The following RBMS3 variants were observed in gnomAD, a reference collection of about 807,000 sequenced individuals.
RBMS3 encodes the protein RNA binding motif single stranded interacting protein 3.
Under a neutral mutation model 66.8 loss-of-function variants are expected in RBMS3, and 27 were observed. The observed-to-expected ratio is 0.40, with a 90% confidence interval of 0.30 to 0.56. RBMS3 has a LOEUF of 0.56. Among genes scored for constraint, RBMS3 ranks in the 20% least tolerant of loss-of-function variants. The probability of loss-of-function intolerance (pLI) is 0.40; values close to 1 mark genes in which losing one functional copy is unlikely to be tolerated. For missense variants in RBMS3, 513 were observed against 549.5 expected, an observed-to-expected ratio of 0.93 and a Z score of 0.66; for synonymous variants, 188 against 183.0, an observed-to-expected ratio of 1.03 and a Z score of -0.22.
chr3:29,815,750 T>C (rs2057870495), intron 6 of RBMS3, among the ~76,000 whole-genome samples: 1 of 151,734 alleles, frequency 6.6e-6, no homozygotes, highest in Non-Finnish European at 1.5e-5. Context: ...TGCAAAGGCA[T>C]AAAAATGATA....
chr3:29,655,114 A>AT (rs1302881657), intron 4 of RBMS3, among the ~76,000 whole-genome samples: 2 of 152,028 alleles, frequency 1.3e-5, no homozygotes, highest in Non-Finnish European at 2.9e-5. Context: ...AAGAACATTT[A>AT]TTTTTTGCCT....
chr3:29,656,223 C>T (rs2050323100), intron 4 of RBMS3, among the ~76,000 whole-genome samples: 1 of 152,178 alleles, frequency 6.6e-6, no homozygotes, highest in South Asian at 2.1e-4. Context: ...TAGGCCCTCA[C>T]ATTCATTCAC....
chr3:29,302,041 ACT>A (rs2033709373), intron 1 of RBMS3, among the ~76,000 whole-genome samples: 1 of 151,862 alleles, frequency 6.6e-6, no homozygotes, highest in Non-Finnish European at 1.5e-5. Flanking sequence ...AGACAGTCTT[ACT>A]CTGTTGCCCA....
chr3:29,713,055 G>A (rs1201733589), intron 4 of RBMS3, among the ~76,000 whole-genome samples: 1 of 151,940 alleles, frequency 6.6e-6, no homozygotes, highest in Non-Finnish European at 1.5e-5. Flanking sequence ...TGTGATTTTG[G>A]TAATATTAAT....
chr3:29,673,846 C>T (rs980809076), intron 4 of RBMS3, among the ~76,000 whole-genome samples: 6 of 152,150 alleles, frequency 3.9e-5, no homozygotes, highest in African/African-American at 9.6e-5. Context: ...TGGTACCATT[C>T]GTTCTGAAAC....
intron 5 of RBMS3, among the ~76,000 whole-genome samples, chr3:29,741,975 A>G (rs988550647): frequency 6.6e-6 from 1 of 152,180 alleles, no homozygotes; most frequent in Admixed American, 6.5e-5. Flanking sequence ...AATTACAAAT[A>G]CAGTCACATT....
chr3:29,439,668 T>C (rs1304020380), intron 2 of RBMS3, among the ~76,000 whole-genome samples: 6 of 152,002 alleles, frequency 3.9e-5, no homozygotes, highest in Admixed American at 3.9e-4. Flanking sequence ...GCAGGTTAGT[T>C]ACACATGCAT....
At chr3:29,565,916 A>G (rs2046725413) in intron 3 of RBMS3, among the ~76,000 whole-genome samples, 1 of 152,176 alleles carries the variant, frequency 6.6e-6, no homozygotes, top group Non-Finnish European at 1.5e-5. Flanking sequence ...CAAATTTAAA[A>G]GATTCTATGA....
intron 1 of RBMS3, among the ~76,000 whole-genome samples, chr3:29,359,667 A>G (rs944352760): frequency 2.0e-5 from 3 of 152,136 alleles, no homozygotes; most frequent in African/African-American, 4.8e-5. Flanking sequence ...CTGTGAATCC[A>G]TCTGGTCCTG....
At chr3:29,764,647 A>G (rs909582027) in intron 6 of RBMS3, among the ~76,000 whole-genome samples, 2 of 152,056 alleles carry the variant, frequency 1.3e-5, no homozygotes, top group Non-Finnish European at 2.9e-5. Context: ...TTGGTATGTC[A>G]AAAAGACGTA....
chr3:29,510,651 G>A (rs995929857), intron 3 of RBMS3, among the ~76,000 whole-genome samples: 1 of 151,924 alleles, frequency 6.6e-6, no homozygotes, highest in Non-Finnish European at 1.5e-5. Flanking sequence ...GCTCCAATAA[G>A]CATTTTCTTG....
At chr3:29,834,139 A>G (rs752031408) in intron 6 of RBMS3, among the ~76,000 whole-genome samples, 1 of 152,118 alleles carries the variant, frequency 6.6e-6, no homozygotes, top group Non-Finnish European at 1.5e-5. Context: ...ACAAGAATAA[A>G]TAAATAAATA....
chr3:29,505,088 T>G (rs1328812078), intron 3 of RBMS3, among the ~76,000 whole-genome samples: 1 of 152,098 alleles, frequency 6.6e-6, no homozygotes, highest in Non-Finnish European at 1.5e-5. Context: ...ATTTTCACTT[T>G]TGTTTCCTGT....
chr3:29,731,740 G>C (rs1043546233), intron 4 of RBMS3, among the ~76,000 whole-genome samples: 3 of 152,104 alleles, frequency 2.0e-5, no homozygotes, highest in African/African-American at 7.2e-5. Flanking sequence ...TAGCAATATA[G>C]ATTTGACAAA....
chr3:29,950,967 C>T (rs1344812973), intron 12 of RBMS3, among the ~76,000 whole-genome samples: 2 of 151,842 alleles, frequency 1.3e-5, no homozygotes, highest in African/African-American at 4.8e-5. Context: ...TCTATTTTCC[C>T]TTAGCCTTGG....
intron 6 of RBMS3, among the ~76,000 whole-genome samples, chr3:29,782,967 C>G (rs1196797033): frequency 6.6e-6 from 1 of 151,920 alleles, no homozygotes; most frequent in African/African-American, 2.4e-5. Context: ...CGAATTAACC[C>G]AATCCATCAA....
chr3:29,645,534 T>G (rs1002010739), intron 4 of RBMS3, among the ~76,000 whole-genome samples: 1 of 152,200 alleles, frequency 6.6e-6, no homozygotes, highest in African/African-American at 2.4e-5. Flanking sequence ...ACTTCAAACT[T>G]TAGTTAAGTC....
intron 3 of RBMS3, among the ~76,000 whole-genome samples, chr3:29,522,154 C>T (rs553769097): frequency 6.6e-6 from 1 of 152,052 alleles, no homozygotes; most frequent in Non-Finnish European, 1.5e-5. Flanking sequence ...AGGAGCAATC[C>T]AGAGGTTAGG....
At chr3:29,962,895 C>G (rs1168137293) in intron 12 of RBMS3, among the ~76,000 whole-genome samples, 2 of 151,210 alleles carry the variant, frequency 1.3e-5, no homozygotes, top group Admixed American at 6.6e-5. Flanking sequence ...TTCTATTTTT[C>G]TCTCAGTGCC....
Sources: gnomAD v4.1 joint callset for allele counts (sites outside exome capture counted in the v4.1 genomes callset) on GRCh38, gnomAD v4.1.1 for gene constraint, MANE v1.5 for transcripts, NCBI Gene and HGNC (gene_info 2026-07-23, HGNC 2026-07-21) for gene names.